The following HYDIN variants were observed in gnomAD, a reference collection of about 807,000 sequenced individuals.
HYDIN encodes axonemal central pair apparatus protein HYDIN.
A neutral mutation model predicts 403.9 loss-of-function variants in HYDIN; 132 were observed. The ratio of observed to expected loss-of-function variants is 0.33; its 90% CI spans 0.28 to 0.38. The LOEUF is 0.38. Ranked by LOEUF, HYDIN falls within the 10% of genes least tolerant of loss-of-function variation. The probability of loss-of-function intolerance (pLI) is 1.00; values close to 1 mark genes in which losing one functional copy is unlikely to be tolerated. For synonymous variants in HYDIN, 1,202 were observed against 1,891.7 expected, an observed-to-expected ratio of 0.64 and a Z score of 9.46; for missense variants, 2,827 against 5,009.5, an observed-to-expected ratio of 0.56 and a Z score of 13.15.
intron 18 of HYDIN, among the ~76,000 whole-genome samples, chr16:71,032,486 A>G: frequency 6.6e-6 from 1 of 150,742 alleles, no homozygotes; most frequent in Non-Finnish European, 1.5e-5. Flanking sequence ...CTAAAATTGC[A>G]AACTTATTCT....
At chr16:70,816,187 C>T (rs1445357495) in intron 84 of HYDIN, among the ~76,000 whole-genome samples, 5 of 152,098 alleles carry the variant, frequency 3.3e-5, no homozygotes, top group African/African-American at 1.2e-4. Flanking sequence ...AAAAACCACC[C>T]CACAAAACCA....
chr16:70,874,871 T>C lies in HYDIN; in HGVS notation c.10606A>G (p.Arg3536Gly). The change falls in exon 63 of 86, where the codon AGG becomes GGG. Residue 3536 changes from arginine to glycine, a missense_variant. By Grantham distance (125) the Arg-to-Gly change is moderately radical. Transcript: ENST00000393567. ...DELGVFSLKGRPTTAYIYITE... is the reference protein window; with the variant it reads ...DELGVFSLKGGPTTAYIYITE... ...ATGTAGATATACGCGGTGGTGGGCC[T>C]CCCTTTCAGGGAGAAGACTCCTAGC... 6.2e-7 allele frequency: 1 copy of C among 1,612,800 alleles called. No individual in the cohort carries two copies. Among genetic ancestry groups the C allele is most frequent in the South Asian group, 1.1e-5 (1 of 90,840 alleles).
chr16:70,992,068 A>G lies in HYDIN; in HGVS notation c.3785+2T>C. On this transcript the variant is annotated splice_donor_variant, in intron 24 of 85. Transcript: ENST00000393567. LOFTEE classifies it high-confidence loss of function. ...AATAATCTATGTTGGCTTTGCACTT[A>G]CTTAACAAAATCATTTAAATCCATC... 6.2e-7 allele frequency: 1 copy of G among 1,613,922 alleles called. No homozygotes were observed. The highest frequency in any genetic ancestry group is 8.5e-7 in the Non-Finnish European group (1 of 1,179,920).
At chr16:71,090,626 A>C (rs1377574985) in intron 11 of HYDIN, 1 of 151,756 alleles carries the variant, frequency 6.6e-6, no homozygotes. Flanking sequence ...CTGCCTTCTG[A>C]GTAGCTGGGG....
chr16:70,836,633 C>T (rs1006379834), intron 77 of HYDIN, among the ~76,000 whole-genome samples: 1 of 152,238 alleles, frequency 6.6e-6, no homozygotes, highest in African/African-American at 2.4e-5. Context: ...CAAAATGGCA[C>T]TGACCCACAA....
In HYDIN at chr16:70,991,383, C is replaced by T; in HGVS notation, c.3799G>A (p.Asp1267Asn). ...TTTTCTTCAGGCCTGGCATCTTCAT[C>T]CACAAGGACAGTCCTAGGAAGTTTA... is the stretch of plus-strand genomic sequence containing the variant. The part of the protein sequence containing the change: ...LNDFVKTVLV[D>N]EDARPEEKEL... The change falls in exon 25 of 86, where the codon GAT (aspartate) becomes AAT (asparagine). Residue 1267 changes from aspartate to asparagine, a missense_variant. Asp to Asn is a conservative substitution (Grantham distance 23, BLOSUM62 1). Transcript: ENST00000393567. 6.2e-7 allele frequency: 1 copy of T among 1,613,904 alleles called. No individual in the cohort carries two copies. Among genetic ancestry groups the T allele is most frequent in the Middle Eastern group, 1.7e-4 (1 of 6,058 alleles).
At chr16:70,808,111 C>T (rs1342815933) in intron 85 of HYDIN, 49 bp from the exon 86 acceptor site, 1 of 1,547,028 alleles carries the variant, frequency 6.5e-7, no homozygotes, top group African/African-American at 1.4e-5. Flanking sequence ...CTGAAGAGCA[C>T]ACCAGGAGCT....
intron 3 of HYDIN, among the ~76,000 whole-genome samples, chr16:71,180,748 A>T (rs1424269624): frequency 6.6e-6 from 1 of 152,142 alleles, no homozygotes; most frequent in Non-Finnish European, 1.5e-5. Context: ...AAATCAAACA[A>T]GAAGAAACAA....
intron 52 of HYDIN, among the ~76,000 whole-genome samples, chr16:70,901,740 C>T (rs2076385173): frequency 6.6e-6 from 1 of 151,886 alleles, no homozygotes; most frequent in African/African-American, 2.4e-5. Context: ...CACCCGCCAC[C>T]ATGCCTGGCT....
chr16:70,850,785 G>C, intron 73 of HYDIN, 130 bp from the exon 74 acceptor site: 1 of 783,260 alleles, frequency 1.3e-6, no homozygotes, highest in South Asian at 1.9e-5. Context: ...GACATTTTAA[G>C]ATTTGTGGCT....
At chr16:70,961,418 G>A (rs2078416261) in intron 38 of HYDIN, among the ~76,000 whole-genome samples, 2 of 152,250 alleles carry the variant, frequency 1.3e-5, no homozygotes, top group South Asian at 4.1e-4. Flanking sequence ...TTCTGGGGGT[G>A]GGCACAGGAC....
chr16:71,164,689 T>C (rs1421697501), intron 5 of HYDIN, among the ~76,000 whole-genome samples: 1 of 93,756 alleles, frequency 1.1e-5, no homozygotes, highest in Non-Finnish European at 2.1e-5. Flanking sequence ...CAGCATCTCA[T>C]TGGATATAAA....
chr16:71,207,247 G>C (rs571729656), intron 1 of HYDIN, among the ~76,000 whole-genome samples: 2 of 152,314 alleles, frequency 1.3e-5, no homozygotes, highest in South Asian at 4.1e-4. Flanking sequence ...AACCCTATAA[G>C]CCAGAAGAGA....
At chr16:71,184,421 C>A (rs1248005769) in intron 3 of HYDIN, among the ~76,000 whole-genome samples, 3 of 152,038 alleles carry the variant, frequency 2.0e-5, no homozygotes, top group Non-Finnish European at 4.4e-5. Flanking sequence ...TCTTTAGAGA[C>A]AAAAGGATAT....
At chr16:70,826,483 T>G (rs2036596264) in intron 83 of HYDIN, among the ~76,000 whole-genome samples, 1 of 152,144 alleles carries the variant, frequency 6.6e-6, no homozygotes, top group African/African-American at 2.4e-5. Flanking sequence ...AGTTTTCTGT[T>G]TGCTTTAATA....
rs1452813666 is a variant in HYDIN at position 71,113,539 on chromosome 16, TC to T, written c.1327+2156del. 4.6e-5 allele frequency: 7 copies of T among 152,440 alleles called. 1 individual carries two copies. Among genetic ancestry groups the T allele is most frequent in the African/African-American group, 1.4e-4 (6 of 41,456 alleles). 9.4% of individuals were successfully genotyped at this position (152,440 alleles called of 1,614,324 possible). On this transcript the variant is annotated intron_variant, in intron 10 of 85. Coordinates refer to ENST00000393567, the MANE Select transcript of HYDIN (RefSeq NM_001270974.2). ...GCACCCAATTACCATGTCTCTCTAG[TC>T]TCCTTCAACCTGGAACAGTTCTTCG...
rs1270928621 is a variant in HYDIN, at chr16:71,069,278, C to T, written c.1963G>A (p.Ala655Thr). Residue 655 changes from alanine to threonine, a missense_variant, in exon 14 of 86, where the codon GCT (alanine) becomes ACT (threonine). Physicochemically the swap from Ala to Thr is moderately conservative, Grantham distance 58. Transcript: ENST00000393567. ...DCGTIRPQGF[A>T]AIRVTLCSNT... ...GCCATGCACTTTACCCTGATAGCAG[C>T]AAATCCCTGGGGGCGAATGGTGCCA... 1.2e-6 allele frequency: 2 copies of T among 1,612,990 alleles called. No homozygotes were observed. Among genetic ancestry groups the T allele is most frequent in the South Asian group, 2.2e-5 (2 of 90,974 alleles).
At chr16:70,979,225 C>A (rs1441240301) in intron 29 of HYDIN, among the ~76,000 whole-genome samples, 184 bp from the exon 30 acceptor site, 5 of 141,488 alleles carry the variant, frequency 3.5e-5, no homozygotes, top group Non-Finnish European at 7.5e-5. Context: ...AGAGTTGAAT[C>A]TGTATTAGAG....
At chr16:71,024,341 CCCTT>C (rs1179802776) in intron 21 of HYDIN, among the ~76,000 whole-genome samples, 2 of 152,206 alleles carry the variant, frequency 1.3e-5, no homozygotes, top group South Asian at 2.1e-4. Context: ...CTCTCCCCCT[CCCTT>C]GTCACCAGAC....
Sources: gnomAD v4.1 joint callset for allele counts (sites outside exome capture counted in the v4.1 genomes callset) on GRCh38, gnomAD v4.1.1 for gene constraint, MANE v1.5 for transcripts, NCBI Gene and HGNC (gene_info 2026-07-23, HGNC 2026-07-21) for gene names.